The following SIPA1L3 variants were observed in gnomAD, a reference collection of about 807,000 sequenced individuals.
SIPA1L3 encodes signal induced proliferation associated 1 like 3.
A neutral mutation model predicts 150.1 loss-of-function variants in SIPA1L3; 59 were observed. That is an observed-to-expected ratio of 0.39 (90% CI 0.32 to 0.49). The LOEUF (loss-of-function observed/expected upper bound fraction) is 0.49, where lower values mean the gene tolerates loss of function less well. Ranked by LOEUF, SIPA1L3 falls within the 20% of genes least tolerant of loss-of-function variation. The pLI, the probability that SIPA1L3 is intolerant of heterozygous loss-of-function variation, is 0.86. For missense variants in SIPA1L3, 2,211 were observed against 2,489.5 expected, an observed-to-expected ratio of 0.89 and a Z score of 2.38; for synonymous variants, 1,070 against 1,077.6, an observed-to-expected ratio of 0.99 and a Z score of 0.14.
At chr19:38,111,714 G>T (rs1479273580) in intron 8 of SIPA1L3, among the ~76,000 whole-genome samples, 1 of 152,204 alleles carries the variant, frequency 6.6e-6, no homozygotes, top group African/African-American at 2.4e-5. Flanking sequence ...ACACTGCATG[G>T]CAGGGCCTCC....
rs1352474568 is a variant in SIPA1L3 at position 38,204,052 on chromosome 19, C to G, written c.5121-75C>G. ...GGATAAGGGGGCCTGTACCCCCAGG[C>G]TCCTCAGATGTGGGCCAGAAGCCTT... On this transcript the variant is annotated intron_variant, in intron 20 of 21. Transcript: ENST00000222345. The G allele has an allele frequency of 6.8e-5, 81 of 1,184,650 alleles. 1 individual carries two copies. Among genetic ancestry groups the G allele is most frequent in the South Asian group, 1.6e-4 (12 of 75,312 alleles). The allele number at this position is 1,184,650 out of a possible 1,614,324, so 73.4% of individuals were successfully genotyped here.
At chr19:37,909,646 A>G (rs1248832895) in intron 1 of SIPA1L3, among the ~76,000 whole-genome samples, 1 of 152,204 alleles carries the variant, frequency 6.6e-6, no homozygotes, top group Non-Finnish European at 1.5e-5. Context: ...CCTGGCTTTC[A>G]GGGGACCCAG....
chr19:38,106,660 G>A lies in SIPA1L3; in HGVS notation c.2133+20G>A, dbSNP rs751364194. The A allele has an allele frequency of 3.8e-5, 59 of 1,561,036 alleles. No homozygotes were observed. The highest frequency in any genetic ancestry group is 2.0e-4 in the South Asian group (18 of 90,000). On this transcript the variant is annotated intron_variant, in intron 7 of 21. Transcript: ENST00000222345. ...CAGCAGGTCAGTGATTTTCAGCAGA[G>A]GCACGGCTGCCGGATGTTGGCTGCC...
chr19:38,026,897 A>T (rs1009259988), intron 1 of SIPA1L3, among the ~76,000 whole-genome samples: 4 of 152,262 alleles, frequency 2.6e-5, no homozygotes, highest in Non-Finnish European at 4.4e-5. Context: ...ATATTCTCAT[A>T]TCACATTACA....
intron 2 of SIPA1L3, among the ~76,000 whole-genome samples, chr19:38,033,636 T>C (rs1043061797): frequency 6.6e-6 from 1 of 151,946 alleles, no homozygotes; most frequent in South Asian, 2.1e-4. Context: ...CATGCTACTG[T>C]ACTCCAGCCC....
At chr19:38,135,489 A>G (rs1600118280) in intron 10 of SIPA1L3, among the ~76,000 whole-genome samples, 1 of 152,000 alleles carries the variant, frequency 6.6e-6, no homozygotes, top group South Asian at 2.1e-4. Context: ...AAGGACATGC[A>G]CCCCTCTCCA....
chr19:38,052,737 C>T (rs1969225231), intron 2 of SIPA1L3, among the ~76,000 whole-genome samples: 1 of 152,250 alleles, frequency 6.6e-6, no homozygotes, highest in East Asian at 1.9e-4. Flanking sequence ...CCTGAGGCAG[C>T]TCTTTGGGCA....
intron 17 of SIPA1L3, 49 bp downstream of exon 17, chr19:38,192,359 T>A: frequency 6.6e-7 from 1 of 1,517,474 alleles, no homozygotes; most frequent in Non-Finnish European, 8.9e-7. Context: ...CCCAAGGGGA[T>A]CCCAGATCTG....
At chr19:38,201,279 G>C (rs1476521526) in intron 19 of SIPA1L3, among the ~76,000 whole-genome samples, 1 of 152,238 alleles carries the variant, frequency 6.6e-6, no homozygotes, top group Non-Finnish European at 1.5e-5. Flanking sequence ...AAACAGCTCA[G>C]GTGCCCCCAG....
At chr19:38,138,451 C>G (rs1285228677) in intron 10 of SIPA1L3, among the ~76,000 whole-genome samples, 1 of 152,152 alleles carries the variant, frequency 6.6e-6, no homozygotes, top group Non-Finnish European at 1.5e-5. Context: ...GCTCACGTAG[C>G]CGACAAGACT....
At chr19:37,938,624 C>CTTTTTTTTTTTTT (rs759856556) in intron 1 of SIPA1L3, among the ~76,000 whole-genome samples, 3 of 131,262 alleles carry the variant, frequency 2.3e-5, no homozygotes, top group African/African-American at 5.6e-5. Flanking sequence ...TTTCTTTTTT[C>CTTTTTTTTTTTTT]TTTTTTTTTT....
chr19:37,911,174 C>T (rs568017072), intron 1 of SIPA1L3, among the ~76,000 whole-genome samples: 3 of 152,106 alleles, frequency 2.0e-5, no homozygotes, highest in African/African-American at 7.2e-5. Context: ...TGGATGTGCT[C>T]TCTGCCCTTG....
intron 1 of SIPA1L3, among the ~76,000 whole-genome samples, chr19:37,998,311 A>G (rs549784684): frequency 6.6e-6 from 1 of 152,288 alleles, no homozygotes; most frequent in East Asian, 1.9e-4. Flanking sequence ...CCTGTGTCTT[A>G]TCTTCTAGGA....
chr19:38,204,436 C>T (rs1361306493), intron 21 of SIPA1L3, among the ~76,000 whole-genome samples: 1 of 152,166 alleles, frequency 6.6e-6, no homozygotes, highest in Non-Finnish European at 1.5e-5. Flanking sequence ...CCAGGCTTTT[C>T]GGAAGGCAAT....
chr19:38,102,108 G>A (rs1202608036), intron 6 of SIPA1L3, among the ~76,000 whole-genome samples: 41 of 148,006 alleles, frequency 2.8e-4, no homozygotes, highest in Admixed American at 4.7e-4. Flanking sequence ...GTGCAGTGGC[G>A]CAATCTCAGC....
intron 15 of SIPA1L3, among the ~76,000 whole-genome samples, chr19:38,169,825 G>C (rs557303453): frequency 1.3e-5 from 2 of 152,246 alleles, no homozygotes; most frequent in East Asian, 3.9e-4. Context: ...GGTCAAGATG[G>C]GCGAGGCCCA....
chr19:37,944,192 C>T (rs532843259), intron 1 of SIPA1L3, among the ~76,000 whole-genome samples: 4 of 151,982 alleles, frequency 2.6e-5, no homozygotes, highest in African/African-American at 7.2e-5. Context: ...ACAGGAGAAT[C>T]GCTTGAACCC....
At chr19:38,041,922 A>G (rs992711060) in intron 2 of SIPA1L3, among the ~76,000 whole-genome samples, 1 of 152,308 alleles carries the variant, frequency 6.6e-6, no homozygotes, top group South Asian at 2.1e-4. Flanking sequence ...TTGAGTTGTA[A>G]GAGTTCTCCA....
At chr19:37,943,911 GT>G (rs2046685295) in intron 1 of SIPA1L3, among the ~76,000 whole-genome samples, 1 of 152,076 alleles carries the variant, frequency 6.6e-6, no homozygotes, top group African/African-American at 2.4e-5. Context: ...TTTTAAAAGT[GT>G]TTTTAAAAAA....
Sources: allele counts gnomAD v4.1 joint callset (sites outside exome capture counted in the v4.1 genomes callset), GRCh38; gene constraint gnomAD v4.1.1; transcripts MANE v1.5; gene names NCBI Gene and HGNC (gene_info 2026-07-23, HGNC 2026-07-21).